The following ZC3H3 variants were observed in gnomAD, a reference collection of about 807,000 sequenced individuals.
ZC3H3 encodes the protein zinc finger CCCH domain-containing protein 3.
ZC3H3 carries 36 observed loss-of-function variants against 77.3 expected under a neutral mutation model. The ratio of observed to expected loss-of-function variants is 0.47; its 90% CI spans 0.36 to 0.61. The LOEUF is 0.61. Among genes scored for constraint, ZC3H3 ranks in the 20% least tolerant of loss-of-function variants. The pLI, the probability that ZC3H3 is intolerant of heterozygous loss-of-function variation, is 0.00. For synonymous variants in ZC3H3, 626 were observed against 555.2 expected (o/e 1.13, Z -1.79); for missense variants, 1,331 against 1,312.2 (o/e 1.01, Z -0.22).
At chr8:143,522,591 C>A (rs1822283236) in intron 3 of ZC3H3, among the ~76,000 whole-genome samples, 2 of 150,450 alleles carry the variant, frequency 1.3e-5, no homozygotes, top group South Asian at 4.2e-4. Context: ...GGGAAGAGAG[C>A]AAGACTCTCT....
intron 5 of ZC3H3, 29 bp from the exon 6 acceptor site, chr8:143,468,688 C>G: frequency 6.5e-7 from 1 of 1,542,260 alleles, no homozygotes; most frequent in Non-Finnish European, 8.7e-7. Context: ...CGGGTCATAG[C>G]AGGCCACAGC....
In ZC3H3 at chr8:143,494,583, C is replaced by T. The variant is rs953433937; in HGVS notation, c.1715+13163G>A. Among the ~76,000 whole-genome samples, 6 of 151,974 alleles carry T rather than the reference C, an allele frequency of 3.9e-5. No individual in the cohort carries two copies. Among genetic ancestry groups the T allele is most frequent in the Admixed American group, 3.9e-4 (6 of 15,254 alleles). ...GGCAGAACCCAGAGCGAGGGCCAGC[C>T]GGGAAGGAGGGCCGGCCGGGACAGG... On this transcript the variant is annotated intron_variant, in intron 4 of 11. Coordinates refer to ENST00000262577, the MANE Select transcript of ZC3H3 (RefSeq NM_015117.3). This position sits in a 1 kb window ranked among gnomAD's most constrained non-coding sequence, Gnocchi z 5.3.
intron 4 of ZC3H3, among the ~76,000 whole-genome samples, chr8:143,476,540 C>A (rs1820739576): frequency 6.6e-6 from 1 of 152,198 alleles, no homozygotes; most frequent in South Asian, 2.1e-4. Flanking sequence ...ACCCACAGCC[C>A]TGCGGACCCT....
chr8:143,514,954 T>A (rs1461556597), intron 3 of ZC3H3, among the ~76,000 whole-genome samples: 2 of 152,362 alleles, frequency 1.3e-5, no homozygotes, highest in South Asian at 2.1e-4. Flanking sequence ...GTCCTGGGTG[T>A]CTGCTCCTGC....
intron 4 of ZC3H3, among the ~76,000 whole-genome samples, chr8:143,476,323 C>T (rs756354743): frequency 6.6e-6 from 1 of 152,334 alleles, no homozygotes; most frequent in South Asian, 2.1e-4. Context: ...GCCTCAAGTC[C>T]AAGGGCTGAA....
Position 143,536,353 on chromosome 8 carries a change from C to G in ZC3H3, c.1465G>C (p.Val489Leu). 1 of 1,605,982 alleles carries G rather than the reference C, an allele frequency of 6.2e-7. No individual in the cohort carries two copies. The highest frequency in any genetic ancestry group is 8.5e-7 in the Non-Finnish European group (1 of 1,176,496). The change falls in exon 3 of 12, where the codon GTC (valine) becomes CTC (leucine). Residue 489 changes from valine to leucine, a missense_variant. Val to Leu is a conservative substitution (Grantham distance 32). This residue lies in a region of ZC3H3 where 978 missense variants were observed against 915.5 expected (regional missense o/e 1.07). Transcript: ENST00000262577. Reference protein sequence around the residue: ...RQALRGKSSPVLKKTPNKGLV... With the variant: ...RQALRGKSSPLLKKTPNKGLV... ...CCCTTGTTGGGGGTCTTCTTCAGGA[C>G]AGGGCTGCTCTTCCCCCTGAGGGCC...
intron 9 of ZC3H3, among the ~76,000 whole-genome samples, chr8:143,442,404 G>A (rs1407999576): frequency 8.2e-6 from 1 of 122,004 alleles, no homozygotes; most frequent in Non-Finnish European, 1.8e-5. Context: ...AGGGGCCGGG[G>A]GGGGTGGGGG....
chr8:143,449,782 T>C (rs920089320), intron 9 of ZC3H3, among the ~76,000 whole-genome samples: 1 of 152,110 alleles, frequency 6.6e-6, no homozygotes, highest in Non-Finnish European at 1.5e-5. Context: ...TTCCACCAGA[T>C]AGCCTAAATC....
At chr8:143,443,850 C>A (rs1318976866) in intron 9 of ZC3H3, among the ~76,000 whole-genome samples, 1 of 152,108 alleles carries the variant, frequency 6.6e-6, no homozygotes, top group Non-Finnish European at 1.5e-5. Context: ...AGTGAATTGA[C>A]AAATTCTAGA....
chr8:143,465,965 C>G (rs974072244), intron 8 of ZC3H3, 117 bp from the exon 9 acceptor site: 149 of 1,406,240 alleles, frequency 1.1e-4, no homozygotes, highest in Non-Finnish European at 1.3e-4. Context: ...GCGGCACCAG[C>G]AGGCAGGAAG....
At chr8:143,508,837 T>C (rs186944639) in intron 3 of ZC3H3, among the ~76,000 whole-genome samples, 25 of 151,602 alleles carry the variant, frequency 1.6e-4, no homozygotes, top group African/African-American at 5.8e-4. Flanking sequence ...GACCCCTGAC[T>C]GCCCAGGACA....
At chr8:143,466,158 C>T (rs1446487825) in intron 8 of ZC3H3, among the ~76,000 whole-genome samples, 1 of 152,226 alleles carries the variant, frequency 6.6e-6, no homozygotes, top group African/African-American at 2.4e-5. Flanking sequence ...GCCTGCCCAC[C>T]GTCCAGGGCA....
In ZC3H3 at chr8:143,533,603, T is replaced by C. The variant is rs1822691755; in HGVS notation, c.1561+2654A>G. 6.6e-6 allele frequency among the ~76,000 whole-genome samples: 1 copy of C among 151,452 alleles called. No individual in the cohort carries two copies. The highest frequency in any genetic ancestry group is 1.5e-5 in the Non-Finnish European group (1 of 67,898). ...CCACGCTTGCCAGTTGGGCCAGTGGTGGGCAAGTGAGTGGGACGCCTTCCC... is the reference window on the plus strand; with the variant it reads ...CCACGCTTGCCAGTTGGGCCAGTGGCGGGCAAGTGAGTGGGACGCCTTCCC... On this transcript the variant is annotated intron_variant, in intron 3 of 11. Transcript: ENST00000262577. This position sits in a 1 kb window ranked among gnomAD's most constrained non-coding sequence, Gnocchi z 4.0.
chr8:143,508,214 G>A (rs1163964740), intron 3 of ZC3H3, among the ~76,000 whole-genome samples: 1 of 152,240 alleles, frequency 6.6e-6, no homozygotes, highest in Non-Finnish European at 1.5e-5. Flanking sequence ...CTGGCAGCCG[G>A]GGATGCCTTG....
chr8:143,437,820 G>C lies in ZC3H3; in HGVS notation c.*236C>G. 1 of 581,332 alleles carries C rather than the reference G, an allele frequency of 1.7e-6. No homozygotes were observed. Among genetic ancestry groups the C allele is most frequent in the Non-Finnish European group, 3.0e-6 (1 of 328,868 alleles). The allele number at this position is 581,332 out of a possible 1,614,324, so 36.0% of individuals were successfully genotyped here. A position where few individuals can be genotyped will look rare whatever the true frequency, so the allele number is the denominator to read the frequency against. On this transcript the variant is annotated 3_prime_UTR_variant, in exon 12 of 12. Transcript: ENST00000262577. ...CAGGCCTGGAGGCCAGCCCTGCCTG[G>C]CACCCTGGAAGGTGGTGGGGTGGGG... is the stretch of plus-strand genomic sequence containing the variant.
At chr8:143,510,351 C>T (rs1821834160) in intron 3 of ZC3H3, among the ~76,000 whole-genome samples, 1 of 152,238 alleles carries the variant, frequency 6.6e-6, no homozygotes, top group South Asian at 2.1e-4. Context: ...ACCCCCACAG[C>T]AGGGTCGTGT....
intron 4 of ZC3H3, among the ~76,000 whole-genome samples, chr8:143,478,962 C>T (rs952146284): frequency 3.3e-5 from 5 of 152,326 alleles, no homozygotes; most frequent in Admixed American, 6.5e-5. Context: ...CTGAGCCGTC[C>T]CGGGATCTGC....
intron 5 of ZC3H3, among the ~76,000 whole-genome samples, chr8:143,473,257 C>CCCACTCCTGCCCAGGCCTCTGCA: frequency 6.6e-6 from 1 of 152,288 alleles, no homozygotes; most frequent in African/African-American, 2.4e-5. Flanking sequence ...CACGCCCCCT[C>CCCACTCCTGCCCAGGCCTCTGCA]CCACTCCTGC....
chr8:143,534,675 C>T (rs1369929316), intron 3 of ZC3H3, among the ~76,000 whole-genome samples: 1 of 152,110 alleles, frequency 6.6e-6, no homozygotes, highest in Non-Finnish European at 1.5e-5. Flanking sequence ...CAGGGGATAC[C>T]GCCAACTGTC....
Sources: allele counts gnomAD v4.1 joint callset (sites outside exome capture counted in the v4.1 genomes callset), GRCh38; gene constraint gnomAD v4.1.1; regional missense constraint gnomAD v4.1.1; non-coding constraint Gnocchi (gnomAD v3.1); transcripts MANE v1.5; gene names NCBI Gene and HGNC (gene_info 2026-07-23, HGNC 2026-07-21).